The following PTPRK variants were observed in gnomAD, a reference collection of about 807,000 sequenced individuals.
The protein encoded by PTPRK is receptor-type tyrosine-protein phosphatase kappa.
A neutral mutation model predicts 178.0 loss-of-function variants in PTPRK; 75 were observed. That is an observed-to-expected ratio of 0.42 (90% CI 0.35 to 0.51). PTPRK has a LOEUF of 0.51. Among genes scored for constraint, PTPRK ranks in the 20% least tolerant of loss-of-function variants. PTPRK has a pLI of 0.02. For synonymous variants in PTPRK, 637 were observed against 620.6 expected (o/e 1.03, Z -0.39); for missense variants, 1,441 against 1,797.8 (o/e 0.80, Z 3.59).
At chr6:128,354,811 T>C (rs1281815715) in intron 2 of PTPRK, among the ~76,000 whole-genome samples, 1 of 152,202 alleles carries the variant, frequency 6.6e-6, no homozygotes, top group East Asian at 1.9e-4. Flanking sequence ...TAATACATGA[T>C]GAAGCTCACA....
At chr6:128,003,382 T>C (rs1583596585) in intron 15 of PTPRK, 1 of 771,322 alleles carries the variant, frequency 1.3e-6, no homozygotes, top group Non-Finnish European at 2.0e-6. Context: ...AAATTTTCTC[T>C]CTCAGCTTGG....
intron 7 of PTPRK, among the ~76,000 whole-genome samples, chr6:128,152,674 G>C (rs1357875852): frequency 6.6e-6 from 1 of 151,868 alleles, no homozygotes; most frequent in Non-Finnish European, 1.5e-5. Context: ...CAAGGAAATG[G>C]GTTATCCATT....
At chr6:128,265,209 T>C (rs536680923) in intron 3 of PTPRK, among the ~76,000 whole-genome samples, 1 of 152,154 alleles carries the variant, frequency 6.6e-6, no homozygotes, top group South Asian at 2.1e-4. Context: ...AATTACCCGA[T>C]ATACCTTGTC....
intron 1 of PTPRK, among the ~76,000 whole-genome samples, chr6:128,427,355 A>C (rs1306067744): frequency 6.6e-6 from 1 of 152,204 alleles, no homozygotes; most frequent in Non-Finnish European, 1.5e-5. Context: ...CCAAACTCTA[A>C]GCCACACCAC....
chr6:128,041,577 T>G, intron 13 of PTPRK, among the ~76,000 whole-genome samples: 1 of 151,976 alleles, frequency 6.6e-6, no homozygotes, highest in East Asian at 1.9e-4. Context: ...GCAATAAAAC[T>G]AATGTAATCC....
At position 128,119,598 on chromosome 6, in the gene PTPRK, C is replaced by T. The variant is rs186096560; in HGVS notation, c.1163-29606G>A. Among the ~76,000 whole-genome samples the T allele has an allele frequency of 3.9e-5, 6 of 151,954 alleles. No individual in the cohort carries two copies. The East Asian group carries it at 1.2e-3, about 29-fold the overall frequency. On this transcript the variant is annotated intron_variant, in intron 7 of 29. Transcript: ENST00000368226. ...ACAGTTGTCTCTGATAAAATAATAG[C>T]TAAAAAAATAAATTTACTCAAGGAC...
At chr6:128,040,264 T>C (rs558535746) in intron 13 of PTPRK, among the ~76,000 whole-genome samples, 1 of 152,286 alleles carries the variant, frequency 6.6e-6, no homozygotes, top group South Asian at 2.1e-4. Context: ...AGAAAAATAA[T>C]AGCTGCATAA....
At chr6:128,102,442 C>A (rs1197899073) in intron 7 of PTPRK, among the ~76,000 whole-genome samples, 2 of 152,098 alleles carry the variant, frequency 1.3e-5, no homozygotes, top group African/African-American at 2.4e-5. Flanking sequence ...TAGGGCGTGT[C>A]CCCACAGGAG....
intron 11 of PTPRK, among the ~76,000 whole-genome samples, chr6:128,074,725 C>T (rs1210960360): frequency 6.6e-6 from 1 of 152,034 alleles, no homozygotes; most frequent in Non-Finnish European, 1.5e-5. Flanking sequence ...CTGCATCGCA[C>T]ATGTTCTACA....
intron 13 of PTPRK, among the ~76,000 whole-genome samples, chr6:128,057,029 T>A (rs903673604): frequency 3.9e-5 from 6 of 152,098 alleles, no homozygotes; most frequent in Non-Finnish European, 8.8e-5. Context: ...TAGGGAAGGA[T>A]TTGGGGGAGA....
chr6:128,308,983 A>C (rs1826847988), intron 3 of PTPRK, among the ~76,000 whole-genome samples: 1 of 152,176 alleles, frequency 6.6e-6, no homozygotes. Context: ...GTTACATGTC[A>C]CTTTTAAATA....
intron 2 of PTPRK, among the ~76,000 whole-genome samples, chr6:128,339,421 C>G (rs140791567): frequency 1.3e-5 from 2 of 152,230 alleles, no homozygotes; most frequent in Admixed American, 1.3e-4. Context: ...CATCTTGAAT[C>G]TGAGTAGCCA....
chr6:128,245,622 G>A (rs537564530), intron 3 of PTPRK, among the ~76,000 whole-genome samples: 2 of 152,272 alleles, frequency 1.3e-5, no homozygotes, highest in Non-Finnish European at 2.9e-5. Context: ...ATGGAGGATG[G>A]GGTCTTTGTG....
In PTPRK at chr6:127,985,992, A is replaced by G. The variant is rs1775929423; in HGVS notation, c.3097-117T>C. 5 of 979,992 alleles carry G rather than the reference A, an allele frequency of 5.1e-6. No homozygotes were observed. In the South Asian group the frequency reaches 1.1e-4, roughly 21 times the overall value. The allele number at this position is 979,992 out of a possible 1,614,324, so 60.7% of individuals were successfully genotyped here. ...CAATGATAACAATAAAACCTTTACGAAAGACTATGCCTTTTCTTAAAAAAA... is the reference window on the plus strand; with the variant it reads ...CAATGATAACAATAAAACCTTTACGGAAGACTATGCCTTTTCTTAAAAAAA... On this transcript the variant is annotated intron_variant, in intron 21 of 29. Coordinates refer to ENST00000368226, the MANE Select transcript of PTPRK (RefSeq NM_002844.4).
intron 7 of PTPRK, among the ~76,000 whole-genome samples, chr6:128,183,007 G>T (rs1438402940): frequency 6.6e-6 from 1 of 152,096 alleles, no homozygotes; most frequent in African/African-American, 2.4e-5. Flanking sequence ...TGTCAAAATT[G>T]TTAAAATTTA....
chr6:128,005,361 C>A, intron 14 of PTPRK, 117 bp from the exon 15 acceptor site: 1 of 857,424 alleles, frequency 1.2e-6, no homozygotes, highest in Non-Finnish European at 1.7e-6. Flanking sequence ...GGTTTAGAAA[C>A]CCCAAGCACT....
At chr6:128,161,554 C>G (rs1334837770) in intron 7 of PTPRK, among the ~76,000 whole-genome samples, 1 of 151,602 alleles carries the variant, frequency 6.6e-6, no homozygotes. Flanking sequence ...TTGTTTAGTG[C>G]AAGCCAATTG....
chr6:128,335,781 T>C (rs1830840183), intron 2 of PTPRK, among the ~76,000 whole-genome samples: 1 of 151,750 alleles, frequency 6.6e-6, no homozygotes, highest in South Asian at 2.1e-4. Flanking sequence ...ATAAAATATA[T>C]ACTTAAAGAA....
intron 1 of PTPRK, chr6:128,491,802 C>A (rs1443074393): frequency 7.7e-6 from 4 of 518,094 alleles, no homozygotes; most frequent in African/African-American, 1.9e-5. Context: ...GAATGGCAGA[C>A]AGCAGCAGAA....
Sources: allele counts gnomAD v4.1 joint callset (sites outside exome capture counted in the v4.1 genomes callset), GRCh38; gene constraint gnomAD v4.1.1; transcripts MANE v1.5; gene names NCBI Gene and HGNC (gene_info 2026-07-23, HGNC 2026-07-21).